The following GPM6A variants were observed in gnomAD, a reference collection of about 807,000 sequenced individuals.
GPM6A encodes the protein glycoprotein M6A, also known as neuronal membrane glycoprotein M6-a.
A neutral mutation model predicts 32.1 loss-of-function variants in GPM6A; 7 were observed. That is an observed-to-expected ratio of 0.22 (90% CI 0.12 to 0.41). The LOEUF (loss-of-function observed/expected upper bound fraction) is 0.41, where lower values mean the gene tolerates loss of function less well. GPM6A is among the 10% of genes least tolerant of loss of function. GPM6A has a pLI of 1.00. For synonymous variants in GPM6A, 130 were observed against 123.4 expected (o/e 1.05, Z -0.35); for missense variants, 235 against 347.2 (o/e 0.68, Z 2.57).
intron 1 of GPM6A, among the ~76,000 whole-genome samples, chr4:175,916,732 G>A (rs1162716283): frequency 6.6e-6 from 1 of 152,098 alleles, no homozygotes; most frequent in Non-Finnish European, 1.5e-5. Flanking sequence ...TCAATCAGAG[G>A]TCTCACATAG....
At chr4:175,773,338 G>A (rs1733264109) in intron 1 of GPM6A, among the ~76,000 whole-genome samples, 1 of 152,122 alleles carries the variant, frequency 6.6e-6, no homozygotes, top group Admixed American at 6.6e-5. Flanking sequence ...CACATGCTTA[G>A]CTCTGAAATT....
At chr4:175,874,443 T>C (rs989152233) in intron 1 of GPM6A, among the ~76,000 whole-genome samples, 1 of 152,096 alleles carries the variant, frequency 6.6e-6, no homozygotes, top group African/African-American at 2.4e-5. Flanking sequence ...CTGTTGATAT[T>C]GGGAGAGTTC....
At chr4:175,713,693 A>G (rs1370167972) in intron 1 of GPM6A, among the ~76,000 whole-genome samples, 1 of 152,224 alleles carries the variant, frequency 6.6e-6, no homozygotes, top group Non-Finnish European at 1.5e-5. Flanking sequence ...CATTGTAGTC[A>G]TGGCTATAAT....
intron 1 of GPM6A, among the ~76,000 whole-genome samples, chr4:175,770,418 A>T (rs1733140523): frequency 6.6e-6 from 1 of 152,204 alleles, no homozygotes; most frequent in African/African-American, 2.4e-5. Context: ...AGCCAGAATG[A>T]CATTTCCAAA....
chr4:175,815,140 AG>A (rs557818835), upstream of GPM6A, among the ~76,000 whole-genome samples: 1 of 152,160 alleles, frequency 6.6e-6, no homozygotes, highest in South Asian at 2.1e-4. Flanking sequence ...CCTCCCGAGT[AG>A]CTGGGATTTC....
At chr4:175,811,886 G>A in intron 1 of GPM6A, 2 of 223,236 alleles carry the variant, frequency 9.0e-6, no homozygotes, top group Non-Finnish European at 1.7e-5. Flanking sequence ...CTCGGCAAGT[G>A]TGAAATCACG....
chr4:175,729,781 A>G (rs1731333968), intron 1 of GPM6A, among the ~76,000 whole-genome samples: 1 of 128,790 alleles, frequency 7.8e-6, no homozygotes, highest in Non-Finnish European at 1.6e-5. Context: ...TATATTATTT[A>G]TAATATATTA....
intron 2 of GPM6A, among the ~76,000 whole-genome samples, chr4:175,700,813 C>A (rs372929345): frequency 6.6e-6 from 1 of 152,050 alleles, no homozygotes; most frequent in South Asian, 2.1e-4. Context: ...GCATAAAAAT[C>A]ACTGAATAAA....
intron 1 of GPM6A, among the ~76,000 whole-genome samples, chr4:175,887,725 T>TA (rs1377271003): frequency 6.6e-6 from 1 of 151,516 alleles, no homozygotes; most frequent in Admixed American, 6.6e-5. Context: ...TGAAAAAAAA[T>TA]AAAAAACACT....
chr4:175,874,597 C>T (rs547460533), intron 1 of GPM6A, among the ~76,000 whole-genome samples: 3 of 151,370 alleles, frequency 2.0e-5, no homozygotes, highest in East Asian at 3.9e-4. Flanking sequence ...TACCTTAAGG[C>T]GAGAAAAAGG....
chr4:175,724,579 G>A (rs1464177483), intron 1 of GPM6A, among the ~76,000 whole-genome samples: 2 of 152,088 alleles, frequency 1.3e-5, no homozygotes, highest in African/African-American at 4.8e-5. Context: ...TAGAATCAGA[G>A]AGTAGAATGG....
Position 175,651,361 on chromosome 4 carries a change from CG to C in GPM6A, c.541+472del, listed in dbSNP as rs537158230. Among the ~76,000 whole-genome samples, 19 of 16,802 alleles carry C rather than the reference CG, an allele frequency of 1.1e-3. 1 individual carries two copies. The highest frequency in any genetic ancestry group is 6.7e-3 in the East Asian group (18 of 2,700). 11.0% of individuals were successfully genotyped at this position (16,802 alleles called of 152,430 possible). On this transcript the variant is annotated intron_variant, in intron 4 of 6. Coordinates refer to ENST00000393658, the MANE Select transcript of GPM6A (RefSeq NM_201591.3). ...CAAAGCAGACTCCTAATTTATTTAG[CG>C]TTTTTTTTTTTGTTTTTATTATTAT...
chr4:175,682,745 T>C (rs1273762369), intron 2 of GPM6A, among the ~76,000 whole-genome samples: 1 of 152,198 alleles, frequency 6.6e-6, no homozygotes, highest in Non-Finnish European at 1.5e-5. Context: ...TCAGCTTCCA[T>C]GGTGTGCTAA....
chr4:175,795,151 G>C (rs555512573), intron 1 of GPM6A, among the ~76,000 whole-genome samples: 1 of 152,170 alleles, frequency 6.6e-6, no homozygotes, highest in South Asian at 2.1e-4. Context: ...GTAATGACCT[G>C]TAAACTTCTA....
intron 1 of GPM6A, among the ~76,000 whole-genome samples, chr4:175,897,570 T>G (rs1161004524): frequency 6.6e-6 from 1 of 152,188 alleles, no homozygotes; most frequent in East Asian, 1.9e-4. Context: ...GCACAATGTT[T>G]CTACTACCCC....
Position 175,928,836 on chromosome 4 carries a change from A to G in GPM6A, c.-23+73473T>C, listed in dbSNP as rs542808957. 5.6e-4 allele frequency among the ~76,000 whole-genome samples: 86 copies of G among 152,348 alleles called. No individual in the cohort carries two copies. In the South Asian group the frequency reaches 0.012, roughly 21 times the overall value. On this transcript the variant is annotated intron_variant, in intron 1 of 7. Transcript: ENST00000280187. ...TTTGGCCAAAGTACTCAGGTTTATC[A>G]TAGACATTTCTACTTAGTATTAAAC... is the stretch of plus-strand genomic sequence containing the variant.
chr4:175,840,404 G>A (rs969819412), intron 1 of GPM6A, among the ~76,000 whole-genome samples: 1 of 152,188 alleles, frequency 6.6e-6, no homozygotes, highest in African/African-American at 2.4e-5. Context: ...CAGTCCGGGT[G>A]CGGTGGCTCA....
intron 4 of GPM6A, among the ~76,000 whole-genome samples, chr4:175,648,201 G>T (rs1741584264): frequency 6.6e-6 from 1 of 152,092 alleles, no homozygotes; most frequent in Non-Finnish European, 1.5e-5. Context: ...ATAATGGGAT[G>T]AAACCTTTGG....
chr4:175,694,535 G>T (rs1032986166), intron 2 of GPM6A, among the ~76,000 whole-genome samples: 1 of 152,098 alleles, frequency 6.6e-6, no homozygotes, highest in Non-Finnish European at 1.5e-5. Context: ...ATGATTTAAG[G>T]TATCTAGTGG....
Sources: gnomAD v4.1 joint callset for allele counts (sites outside exome capture counted in the v4.1 genomes callset) on GRCh38, gnomAD v4.1.1 for gene constraint, MANE v1.5 for transcripts, NCBI Gene and HGNC (gene_info 2026-07-23, HGNC 2026-07-21) for gene names.